Variants in PRIM2 observed in about 807,000 individuals in gnomAD.
PRIM2 encodes the protein DNA primase large subunit.
Under a neutral mutation model 67.3 loss-of-function variants are expected in PRIM2, and 39 were observed. That is an observed-to-expected ratio of 0.58 (90% CI 0.45 to 0.76). PRIM2 has a LOEUF of 0.76. Ranked by LOEUF, PRIM2 falls within the 30% of genes least tolerant of loss-of-function variation. The probability of loss-of-function intolerance (pLI) is 0.00; values close to 1 mark genes in which losing one functional copy is unlikely to be tolerated. For missense variants in PRIM2, 398 were observed against 598.7 expected, an observed-to-expected ratio of 0.66 and a Z score of 3.50; for synonymous variants, 143 against 198.7, an observed-to-expected ratio of 0.72 and a Z score of 2.36.
chr6:57,478,730 C>T (rs1389702576), intron 7 of PRIM2, among the ~76,000 whole-genome samples: 1 of 151,968 alleles, frequency 6.6e-6, no homozygotes, highest in East Asian at 1.9e-4. Context: ...TTCCCTTAGA[C>T]AAGCTCTTTA....
intron 7 of PRIM2, among the ~76,000 whole-genome samples, chr6:57,392,638 G>T (rs9475909): frequency 0.043 from 6,220 of 144,780 alleles, 410 homozygotes; most frequent in African/African-American, 0.15. Context: ...GAAAATATTC[G>T]TTTTTTTTTT....
At chr6:57,540,059 T>G (rs1297173556) in intron 10 of PRIM2, among the ~76,000 whole-genome samples, 1 of 152,058 alleles carries the variant, frequency 6.6e-6, no homozygotes, top group Non-Finnish European at 1.5e-5. Flanking sequence ...GAAATGACTG[T>G]TCAGAAAGGT....
intron 13 of PRIM2, among the ~76,000 whole-genome samples, chr6:57,641,977 A>C (rs1196754281): frequency 6.6e-6 from 1 of 152,228 alleles, no homozygotes; most frequent in Non-Finnish European, 1.5e-5. Flanking sequence ...ACTTGGAACC[A>C]ACCCAAATGC....
intron 8 of PRIM2, among the ~76,000 whole-genome samples, chr6:57,518,215 T>C (rs1460232732): frequency 6.6e-6 from 1 of 152,196 alleles, no homozygotes. Context: ...ACTGCATACA[T>C]ACAATCTACC....
the PRIM2 span, among the ~76,000 whole-genome samples, chr6:57,269,867 C>G: frequency 4.1e-4 from 63 of 152,222 alleles, no homozygotes; most frequent in Middle Eastern, 3.4e-3. Flanking sequence ...AGTTTTCCCA[C>G]CACCATTTAT....
At chr6:57,368,888 A>C (rs866857570) in intron 5 of PRIM2, among the ~76,000 whole-genome samples, 14 of 152,158 alleles carry the variant, frequency 9.2e-5, no homozygotes, top group South Asian at 2.1e-4. Flanking sequence ...GGCCAGCTAC[A>C]ACCCTGCTGT....
the PRIM2 span, among the ~76,000 whole-genome samples, chr6:57,244,222 T>C: frequency 2.0e-5 from 3 of 152,270 alleles, no homozygotes; most frequent in South Asian, 4.1e-4. Flanking sequence ...TTGAATCCTT[T>C]ATTTGCCGGA....
intron 7 of PRIM2, among the ~76,000 whole-genome samples, chr6:57,478,690 G>A (rs1773539593): frequency 1.3e-5 from 2 of 152,094 alleles, no homozygotes; most frequent in African/African-American, 4.8e-5. Context: ...ACAGACATGG[G>A]TTTGAGTCTT....
intron 7 of PRIM2, among the ~76,000 whole-genome samples, chr6:57,458,743 C>G (rs1772897666): frequency 6.6e-6 from 1 of 152,176 alleles, no homozygotes; most frequent in Non-Finnish European, 1.5e-5. Flanking sequence ...GATGAAAACA[C>G]TAGTGACTCT....
chr6:57,330,850 A>T (rs1484311182), intron 5 of PRIM2, among the ~76,000 whole-genome samples: 1 of 151,982 alleles, frequency 6.6e-6, no homozygotes, highest in Non-Finnish European at 1.5e-5. Flanking sequence ...CTTTTCCTGC[A>T]CCAATTGAGA....
intron 9 of PRIM2, among the ~76,000 whole-genome samples, chr6:57,533,366 A>G (rs1406288103): frequency 2.4e-4 from 37 of 152,238 alleles, no homozygotes; most frequent in African/African-American, 4.8e-5. Context: ...AATTAAAAAT[A>G]CACAGGGATT....
the PRIM2 span, among the ~76,000 whole-genome samples, chr6:57,290,682 T>A: frequency 1.3e-5 from 2 of 152,154 alleles, no homozygotes; most frequent in African/African-American, 4.8e-5. Flanking sequence ...AAATTACAAC[T>A]CAGGATTAAG....
the PRIM2 span, among the ~76,000 whole-genome samples, chr6:57,287,949 G>T: frequency 1.3e-5 from 2 of 152,032 alleles, no homozygotes; most frequent in African/African-American, 4.8e-5. Flanking sequence ...CCCACGGAGG[G>T]TGAGCTGAAG....
rs554148253 is a variant in PRIM2 at position 57,446,264 on chromosome 6, A to G, written c.694-61123A>G. On this transcript the variant is annotated intron_variant, in intron 7 of 13. Transcript: ENST00000615550. ...ATTGTCTTAAGCCTTTTCCTACCTC[A>G]GGATCATGAGTAACTGTTTTTTTTG... Among the ~76,000 whole-genome samples the G allele has an allele frequency of 7.4e-5, 11 of 149,544 alleles. No individual in the cohort carries two copies. The East Asian group carries it at 2.1e-3, about 29-fold the overall frequency.
chr6:57,356,177 G>A (rs1188799719), intron 5 of PRIM2, among the ~76,000 whole-genome samples: 53 of 152,174 alleles, frequency 3.5e-4, no homozygotes, highest in Non-Finnish European at 5.9e-5. Context: ...CTCTGGTGCT[G>A]TAACACCTGT....
chr6:57,358,918 C>T (rs1416925852), intron 5 of PRIM2, among the ~76,000 whole-genome samples: 1 of 152,302 alleles, frequency 6.6e-6, no homozygotes, highest in South Asian at 2.1e-4. Context: ...CCCCTTGAAT[C>T]TCAGTAGCTT....
chr6:57,466,724 G>A (rs1318798794), intron 7 of PRIM2, among the ~76,000 whole-genome samples: 1 of 152,202 alleles, frequency 6.6e-6, no homozygotes, highest in East Asian at 1.9e-4. Context: ...TTAGCTGTTT[G>A]TCAGATGGAT....
intron 5 of PRIM2, among the ~76,000 whole-genome samples, chr6:57,348,221 G>A (rs1316082191): frequency 6.6e-6 from 1 of 151,590 alleles, no homozygotes; most frequent in Non-Finnish European, 1.5e-5. Context: ...TTTCTTCTCT[G>A]CTACCTTTTG....
Position 57,646,020 on chromosome 6 carries a change from A to G in PRIM2, c.1392A>G (p.Glu464=). 2 of 1,603,680 alleles carry G rather than the reference A, an allele frequency of 1.2e-6. No homozygotes were observed. The highest frequency in any genetic ancestry group is 1.3e-5 in the African/African-American group (1 of 74,784). The change falls in exon 14 of 14, where the codon GAA becomes GAG. Residue 464 remains glutamate (E), a synonymous_variant. Coordinates refer to ENST00000615550, the MANE Select transcript of PRIM2 (RefSeq NM_000947.5). The part of the protein sequence containing the change: ...ILNGGKDIKK[E]PIQPETPQPK... ...ATGGTGGTAAAGACATAAAGAAGGAACCTATCCAACCAGAAACTCCTCAAC... is the reference window on the plus strand; with the variant it reads ...ATGGTGGTAAAGACATAAAGAAGGAGCCTATCCAACCAGAAACTCCTCAAC...
Sources: gnomAD v4.1 joint callset for allele counts (sites outside exome capture counted in the v4.1 genomes callset) on GRCh38, gnomAD v4.1.1 for gene constraint, MANE v1.5 for transcripts, NCBI Gene and HGNC (gene_info 2026-07-23, HGNC 2026-07-21) for gene names.